Variants in STAU2 observed in about 807,000 individuals in gnomAD.
STAU2 encodes the protein staufen double-stranded RNA binding protein 2, also known as double-stranded RNA-binding protein Staufen homolog 2.
STAU2 carries 20 observed loss-of-function variants against 65.9 expected under a neutral mutation model. That is an observed-to-expected ratio of 0.30 (90% confidence interval 0.21 to 0.44). The LOEUF (loss-of-function observed/expected upper bound fraction) is 0.44, where lower values mean the gene tolerates loss of function less well. Among genes scored for constraint, STAU2 ranks in the 20% least tolerant of loss-of-function variants. The probability of loss-of-function intolerance (pLI) is 1.00; values close to 1 mark genes in which losing one functional copy is unlikely to be tolerated. For missense variants in STAU2, 558 were observed against 683.9 expected (o/e 0.82, Z 2.05); for synonymous variants, 232 against 233.9 (o/e 0.99, Z 0.07).
At chr8:73,423,308 GGGGTGCGTGGGAAGCCGCA>G (rs1263536674) in intron 13 of STAU2, among the ~76,000 whole-genome samples, 2 of 152,202 alleles carry the variant, frequency 1.3e-5, no homozygotes, top group Non-Finnish European at 1.5e-5. Flanking sequence ...TGATAGGCTC[GGGGTGCGTGGGAAGCCGCA>G]GGGTGTGAAC....
chr8:73,605,648 T>A (rs1424815089), intron 9 of STAU2, among the ~76,000 whole-genome samples: 1 of 151,638 alleles, frequency 6.6e-6, no homozygotes, highest in Non-Finnish European at 1.5e-5. Context: ...AAGCTGATAC[T>A]AAAATTCATA....
intron 3 of STAU2, among the ~76,000 whole-genome samples, chr8:73,710,010 C>T (rs188525462): frequency 1.3e-5 from 2 of 152,088 alleles, no homozygotes; most frequent in Admixed American, 1.3e-4. Flanking sequence ...TACAATATTG[C>T]ACCAGTTTTT....
At chr8:73,499,903 C>T (rs1434108326) in intron 13 of STAU2, among the ~76,000 whole-genome samples, 1 of 151,766 alleles carries the variant, frequency 6.6e-6, no homozygotes, top group South Asian at 2.1e-4. Flanking sequence ...AAGTGAAATA[C>T]CTCTGTCAAA....
chr8:73,516,353 C>T (rs959500910), intron 13 of STAU2, among the ~76,000 whole-genome samples: 1 of 151,934 alleles, frequency 6.6e-6, no homozygotes, highest in Non-Finnish European at 1.5e-5. Flanking sequence ...TTTATCACTA[C>T]CTTGCCCTTA....
At chr8:73,718,366 A>AT (rs766531132) in intron 3 of STAU2, among the ~76,000 whole-genome samples, 13 of 152,238 alleles carry the variant, frequency 8.5e-5, no homozygotes, top group Non-Finnish European at 1.9e-4. Context: ...CACTTTAAAC[A>AT]TTTTAAACAT....
intron 12 of STAU2, among the ~76,000 whole-genome samples, chr8:73,563,987 C>T (rs1808419407): frequency 6.6e-6 from 1 of 152,124 alleles, no homozygotes; most frequent in African/African-American, 2.4e-5. Context: ...AGCACAAAGC[C>T]AAGAATGGCC....
chr8:73,512,914 C>G (rs985429212), intron 13 of STAU2, among the ~76,000 whole-genome samples: 1 of 152,074 alleles, frequency 6.6e-6, no homozygotes, highest in Non-Finnish European at 1.5e-5. Context: ...TTTGTTGAAC[C>G]ATTGTTGTTA....
chr8:73,685,789 A>G (rs542267926), intron 5 of STAU2, among the ~76,000 whole-genome samples: 2 of 152,302 alleles, frequency 1.3e-5, no homozygotes, highest in South Asian at 4.1e-4. Flanking sequence ...TGATCCAGCA[A>G]TCCCACTACT....
At chr8:73,567,117 A>C (rs1027171544) in intron 12 of STAU2, among the ~76,000 whole-genome samples, 1 of 152,216 alleles carries the variant, frequency 6.6e-6, no homozygotes, top group African/African-American at 2.4e-5. Flanking sequence ...AAGATCATTA[A>C]TACAGTGGGG....
intron 11 of STAU2, among the ~76,000 whole-genome samples, chr8:73,589,078 G>A (rs1421373534): frequency 1.3e-5 from 2 of 152,116 alleles, no homozygotes; most frequent in Non-Finnish European, 2.9e-5. Context: ...GAGAAACTGT[G>A]AAAAAATCCT....
At chr8:73,689,851 T>C (rs138126534) in intron 4 of STAU2, among the ~76,000 whole-genome samples, 2 of 152,082 alleles carry the variant, frequency 1.3e-5, no homozygotes, top group Admixed American at 1.3e-4. Context: ...TACAATCCAG[T>C]GAGAAGTATA....
At chr8:73,449,741 C>A (rs1236869697) in intron 13 of STAU2, among the ~76,000 whole-genome samples, 1 of 152,162 alleles carries the variant, frequency 6.6e-6, no homozygotes, top group Admixed American at 6.5e-5. Flanking sequence ...ACCAGCCCAC[C>A]CCTTTCTTGT....
intron 10 of STAU2, among the ~76,000 whole-genome samples, chr8:73,602,738 A>C (rs953162847): frequency 6.6e-6 from 1 of 151,976 alleles, no homozygotes; most frequent in Non-Finnish European, 1.5e-5. Flanking sequence ...CAAAAAAAAA[A>C]AAAAACAAAA....
At chr8:73,481,290 CA>C (rs1820602920) in intron 13 of STAU2, among the ~76,000 whole-genome samples, 1 of 152,002 alleles carries the variant, frequency 6.6e-6, no homozygotes, top group South Asian at 2.1e-4. Context: ...ACAGCCAGCG[CA>C]AAGCCAGAGT....
At chr8:73,509,883 T>G (rs1409082731) in intron 13 of STAU2, among the ~76,000 whole-genome samples, 1 of 152,142 alleles carries the variant, frequency 6.6e-6, no homozygotes, top group Non-Finnish European at 1.5e-5. Flanking sequence ...GTATTTGAGT[T>G]GATAATTTGA....
chr8:73,668,684 A>G (rs191194105), intron 6 of STAU2, among the ~76,000 whole-genome samples: 2 of 152,348 alleles, frequency 1.3e-5, no homozygotes, highest in Admixed American at 1.3e-4. Flanking sequence ...CAAATGATAA[A>G]GAAAAATACA....
At chr8:73,583,356 G>A (rs1036289432) in intron 11 of STAU2, among the ~76,000 whole-genome samples, 13 of 152,108 alleles carry the variant, frequency 8.5e-5, no homozygotes, top group African/African-American at 3.1e-4. Flanking sequence ...ATGTTAGCCA[G>A]GCTGGTCTCA....
intron 13 of STAU2, among the ~76,000 whole-genome samples, chr8:73,516,945 T>C (rs1329233162): frequency 6.6e-6 from 1 of 152,204 alleles, no homozygotes; most frequent in Non-Finnish European, 1.5e-5. Context: ...GGTTTAATAA[T>C]GTATCTGGTT....
At chr8:73,494,884 T>C (rs1423150184) in intron 13 of STAU2, among the ~76,000 whole-genome samples, 2 of 151,662 alleles carry the variant, frequency 1.3e-5, no homozygotes, top group South Asian at 4.1e-4. Flanking sequence ...ATTACTGATT[T>C]ACATGCATGT....
Sources: gnomAD v4.1 joint callset for allele counts (sites outside exome capture counted in the v4.1 genomes callset) on GRCh38, gnomAD v4.1.1 for gene constraint, MANE v1.5 for transcripts, NCBI Gene and HGNC (gene_info 2026-07-23, HGNC 2026-07-21) for gene names.